The following VAV3 variants were observed in gnomAD, a reference collection of about 807,000 sequenced individuals.
VAV3 encodes the protein vav guanine nucleotide exchange factor 3, also known as guanine nucleotide exchange factor VAV3.
VAV3 carries 94 observed loss-of-function variants against 131.2 expected under a neutral mutation model. The observed-to-expected ratio is 0.72, with a 90% CI of 0.61 to 0.85. The LOEUF (loss-of-function observed/expected upper bound fraction) is 0.85. Among genes scored for constraint, VAV3 ranks in the 40% least tolerant of loss-of-function variants. The probability of loss-of-function intolerance (pLI) is 0.00; values close to 1 mark genes in which losing one functional copy is unlikely to be tolerated. For missense variants in VAV3, 939 were observed against 1,002.7 expected (o/e 0.94, Z 0.86); for synonymous variants, 349 against 342.0 (o/e 1.02, Z -0.22).
rs541670800 is a variant in VAV3 at position 107,940,095 on chromosome 1, C to G, written c.204+24571G>C. On this transcript the variant is annotated intron_variant, in intron 1 of 26. Coordinates refer to ENST00000370056, the MANE Select transcript of VAV3 (RefSeq NM_006113.5). ...AGGTCAAATTCATCCTCTCAAATTTCGTATTCTATATTACCAGCTGGAGGA... is the reference window on the plus strand; with the variant it reads ...AGGTCAAATTCATCCTCTCAAATTTGGTATTCTATATTACCAGCTGGAGGA... 6.6e-5 allele frequency among the ~76,000 whole-genome samples: 10 copies of G among 152,266 alleles called. No homozygotes were observed. The South Asian group carries it at 2.1e-3, about 32-fold the overall frequency.
At chr1:107,884,402 TTATTTA>T (rs1670928832) in intron 1 of VAV3, among the ~76,000 whole-genome samples, 1 of 113,596 alleles carries the variant, frequency 8.8e-6, no homozygotes, top group South Asian at 3.0e-4. Context: ...TAAAAATAAA[TTATTTA>T]TTATTATTAT....
intron 19 of VAV3, among the ~76,000 whole-genome samples, chr1:107,664,793 A>C (rs951467132): frequency 2.0e-5 from 3 of 152,202 alleles, no homozygotes; most frequent in Admixed American, 1.3e-4. Flanking sequence ...GATTCTTGGA[A>C]GAGGGAATAC....
intron 21 of VAV3, among the ~76,000 whole-genome samples, chr1:107,612,145 C>T (rs932059472): frequency 5.7e-4 from 83 of 146,688 alleles, no homozygotes; most frequent in African/African-American, 2.0e-3. Flanking sequence ...TATATATATA[C>T]ACACACACAC....
chr1:107,578,795 T>A (rs756108643), intron 25 of VAV3: 2 of 985,102 alleles, frequency 2.0e-6, no homozygotes, highest in Non-Finnish European at 2.4e-6. Flanking sequence ...GACTATTTTA[T>A]CCATAAAGAA....
chr1:107,782,207 G>A (rs902436138), intron 2 of VAV3, among the ~76,000 whole-genome samples: 3 of 152,112 alleles, frequency 2.0e-5, no homozygotes, highest in African/African-American at 7.2e-5. Flanking sequence ...ATTCTATTAT[G>A]TATTTTATAT....
At chr1:107,643,250 TG>T (rs1189560544) in intron 19 of VAV3, among the ~76,000 whole-genome samples, 1 of 152,194 alleles carries the variant, frequency 6.6e-6, no homozygotes, top group Non-Finnish European at 1.5e-5. Flanking sequence ...AGGTGATGGA[TG>T]TGCCACTGCA....
At chr1:107,576,682 A>G (rs774648562) in intron 25 of VAV3, among the ~76,000 whole-genome samples, 9 of 152,202 alleles carry the variant, frequency 5.9e-5, no homozygotes, top group Non-Finnish European at 1.2e-4. Flanking sequence ...TACCCACTCC[A>G]CATTGCCATC....
intron 7 of VAV3, among the ~76,000 whole-genome samples, chr1:107,767,563 C>CT (rs1189029701): frequency 6.6e-6 from 1 of 152,196 alleles, no homozygotes; most frequent in Admixed American, 6.5e-5. Context: ...CGGCCAAAAT[C>CT]AGGGACAAGG....
rs111839699 is a variant in VAV3 at position 107,674,070 on chromosome 1, G to A, written c.1777+9418C>T. Among the ~76,000 whole-genome samples, 245 of 152,248 alleles carry A rather than the reference G, an allele frequency of 1.6e-3. 1 individual carries two copies. Among genetic ancestry groups the A allele is most frequent in the African/African-American group, 5.6e-3 (234 of 41,528 alleles). On this transcript the variant is annotated intron_variant, in intron 19 of 26. Transcript: ENST00000370056. ...CTGCAGTTATCCAAAAGCCAACACT[G>A]CAAAATAATCTGAAGGTAGTTTTTC...
At chr1:107,644,561 G>A (rs1010295553) in intron 19 of VAV3, among the ~76,000 whole-genome samples, 4 of 152,096 alleles carry the variant, frequency 2.6e-5, no homozygotes, top group African/African-American at 9.7e-5. Context: ...GGACTTCACT[G>A]CAGTTTTCTG....
chr1:107,720,938 A>T (rs867859724), intron 15 of VAV3, among the ~76,000 whole-genome samples: 1 of 152,192 alleles, frequency 6.6e-6, no homozygotes, highest in South Asian at 2.1e-4. Context: ...TGAGAGGATA[A>T]TTGGCTATCC....
At chr1:107,642,570 A>G (rs1570669731) in intron 20 of VAV3, 49 bp downstream of exon 20, 1 of 1,589,152 alleles carries the variant, frequency 6.3e-7, no homozygotes, top group African/African-American at 1.4e-5. Context: ...AGATTTAAGA[A>G]CCCTCTCTTG....
At chr1:107,811,534 T>G (rs17020110) in intron 2 of VAV3, among the ~76,000 whole-genome samples, 2 of 152,038 alleles carry the variant, frequency 1.3e-5, no homozygotes, top group South Asian at 2.1e-4. Flanking sequence ...TTTTTAAAAT[T>G]AATTATTTCC....
At position 107,779,415 on chromosome 1, in the gene VAV3, C is replaced by A; in HGVS notation, c.380+19G>T. ...CACTGAACTCAATGGGACACATGAACAACGAAAACAGAGCTTACCTGATTC... is the reference window on the plus strand; with the variant it reads ...CACTGAACTCAATGGGACACATGAAAAACGAAAACAGAGCTTACCTGATTC... On this transcript the variant is annotated intron_variant, in intron 3 of 26. Coordinates refer to ENST00000370056, the MANE Select transcript of VAV3 (RefSeq NM_006113.5). The A allele has an allele frequency of 1.3e-6, 2 of 1,566,244 alleles. No individual in the cohort carries two copies. Among genetic ancestry groups the A allele is most frequent in the Non-Finnish European group, 1.7e-6 (2 of 1,158,654 alleles).
intron 15 of VAV3, among the ~76,000 whole-genome samples, chr1:107,712,376 C>T (rs111360615): frequency 2.6e-5 from 4 of 152,150 alleles, no homozygotes; most frequent in Admixed American, 6.5e-5. Context: ...CATCAGCTAT[C>T]GTTATTGTTA....
Position 107,611,509 on chromosome 1 carries a change from G to A in VAV3, c.1981-1544C>T, listed in dbSNP as rs548423674. On this transcript the variant is annotated intron_variant, in intron 21 of 26. Coordinates refer to ENST00000370056, the MANE Select transcript of VAV3 (RefSeq NM_006113.5). ...ATACATGGCTTCTGAAATGTGATGC[G>A]AAAAATATTTCCTCTTTCCCTCTCC... Among the ~76,000 whole-genome samples, 14 of 148,420 alleles carry A rather than the reference G, an allele frequency of 9.4e-5. No individual in the cohort carries two copies. The East Asian group carries it at 2.8e-3, about 30-fold the overall frequency.
intron 1 of VAV3, among the ~76,000 whole-genome samples, chr1:107,889,180 T>G (rs569320575): frequency 6.9e-6 from 1 of 144,096 alleles, no homozygotes; most frequent in Non-Finnish European, 1.5e-5. Flanking sequence ...TCACTTGCCA[T>G]GTAGCAGGCT....
intron 2 of VAV3, among the ~76,000 whole-genome samples, chr1:107,808,698 T>C (rs926195111): frequency 2.0e-5 from 3 of 152,140 alleles, no homozygotes; most frequent in Non-Finnish European, 4.4e-5. Context: ...ATTCAGAGTA[T>C]ATACTCTATT....
intron 15 of VAV3, among the ~76,000 whole-genome samples, chr1:107,739,785 A>G (rs893581967): frequency 6.6e-6 from 1 of 152,330 alleles, no homozygotes; most frequent in African/African-American, 2.4e-5. Context: ...ATGCCAAAGC[A>G]GGTGACAAAA....
Sources: allele counts gnomAD v4.1 joint callset (sites outside exome capture counted in the v4.1 genomes callset), GRCh38; gene constraint gnomAD v4.1.1; transcripts MANE v1.5; gene names NCBI Gene and HGNC (gene_info 2026-07-23, HGNC 2026-07-21).